LRRC4C: variants seen among roughly 807,000 people sequenced by gnomAD.
LRRC4C encodes the protein leucine-rich repeat-containing protein 4C.
LRRC4C carries 5 observed loss-of-function variants against 33.6 expected under a neutral mutation model. The ratio of observed to expected loss-of-function variants is 0.15; its 90% confidence interval spans 0.08 to 0.31. The LOEUF is 0.31. Ranked by LOEUF, LRRC4C falls within the 10% of genes least tolerant of loss-of-function variation. LRRC4C has a pLI of 1.00. For synonymous variants in LRRC4C, 329 were observed against 302.0 expected, an observed-to-expected ratio of 1.09 and a Z score of -0.93; for missense variants, 560 against 796.7, an observed-to-expected ratio of 0.70 and a Z score of 3.58.
intron 1 of LRRC4C, among the ~76,000 whole-genome samples, chr11:41,343,381 C>A (rs547114417): frequency 6.6e-6 from 1 of 152,152 alleles, no homozygotes; most frequent in Non-Finnish European, 1.5e-5. Context: ...CAAAACAAAA[C>A]AAAACAAAAC....
At chr11:41,242,308 T>C (rs944735775) in intron 1 of LRRC4C, among the ~76,000 whole-genome samples, 2 of 152,172 alleles carry the variant, frequency 1.3e-5, no homozygotes, top group African/African-American at 4.8e-5. Context: ...GCATTTTTCA[T>C]GAACTTTCAA....
At chr11:40,923,972 A>T (rs371433536) in intron 2 of LRRC4C, among the ~76,000 whole-genome samples, 3 of 152,208 alleles carry the variant, frequency 2.0e-5, no homozygotes, top group African/African-American at 7.2e-5. Context: ...TAGAGAAAAG[A>T]GAATGAGCTC....
chr11:40,450,805 A>G (rs1951848913), intron 3 of LRRC4C, among the ~76,000 whole-genome samples: 1 of 151,730 alleles, frequency 6.6e-6, no homozygotes, highest in Non-Finnish European at 1.5e-5. Context: ...CTGCGCATAT[A>G]AAGTATGCTC....
At chr11:40,766,353 TAAAAAAAAAAAAAA>T (rs60152534) in intron 2 of LRRC4C, among the ~76,000 whole-genome samples, 5 of 33,902 alleles carry the variant, frequency 1.5e-4, no homozygotes, top group African/African-American at 5.3e-4. Flanking sequence ...TTCAGTCTGT[TAAAAAAAAAAAAAA>T]AAAAAAAAAA....
intron 1 of LRRC4C, among the ~76,000 whole-genome samples, chr11:41,192,703 CGTAGA>C (rs1946012192): frequency 6.6e-6 from 1 of 151,778 alleles, no homozygotes; most frequent in South Asian, 2.1e-4. Flanking sequence ...AAGGCATACC[CGTAGA>C]GTCAGAATCG....
chr11:40,276,051 T>C (rs1381125318), intron 4 of LRRC4C, among the ~76,000 whole-genome samples: 7 of 152,174 alleles, frequency 4.6e-5, no homozygotes, highest in Admixed American at 4.6e-4. Flanking sequence ...GGAGCTGAGA[T>C]AGAGAGGCTC....
chr11:41,304,577 GGGTCAGCCCCCCGCCC>G (rs1177567387), intron 1 of LRRC4C, among the ~76,000 whole-genome samples: 1 of 112,820 alleles, frequency 8.9e-6, no homozygotes, highest in Non-Finnish European at 1.9e-5. Flanking sequence ...GGAGGTGGGG[GGGTCAGCCCCCCGCCC>G]GGCCAGCCGC....
chr11:40,558,372 T>C (rs1044969771), intron 3 of LRRC4C, among the ~76,000 whole-genome samples: 3 of 152,212 alleles, frequency 2.0e-5, no homozygotes, highest in Non-Finnish European at 4.4e-5. Context: ...TGAAAGTGTG[T>C]TGTTTCATTT....
chr11:40,185,892 C>T (rs1861364090), intron 5 of LRRC4C, among the ~76,000 whole-genome samples: 1 of 152,082 alleles, frequency 6.6e-6, no homozygotes, highest in African/African-American at 2.4e-5. Flanking sequence ...CTCCCCCTTC[C>T]CGTGGTTGCT....
intron 2 of LRRC4C, among the ~76,000 whole-genome samples, chr11:40,849,485 TTGCAGGGTTTC>T (rs1953369637): frequency 6.6e-6 from 1 of 152,216 alleles, no homozygotes; most frequent in Non-Finnish European, 1.5e-5. Context: ...CTCTTCTGGC[TTGCAGGGTTTC>T]TGCAGAGAGA....
chr11:40,150,898 G>T (rs1858148580), intron 5 of LRRC4C, among the ~76,000 whole-genome samples: 1 of 152,076 alleles, frequency 6.6e-6, no homozygotes, highest in South Asian at 2.1e-4. Flanking sequence ...AGAGAGTTAA[G>T]ATTTGCTTAG....
intron 1 of LRRC4C, among the ~76,000 whole-genome samples, chr11:41,443,384 C>T (rs1302022629): frequency 1.3e-5 from 2 of 151,974 alleles, no homozygotes; most frequent in Admixed American, 1.3e-4. Context: ...TGGTGCATGC[C>T]TGTAGCCCCA....
chr11:41,372,193 T>C (rs1952775799), intron 1 of LRRC4C, among the ~76,000 whole-genome samples: 1 of 152,188 alleles, frequency 6.6e-6, no homozygotes, highest in Admixed American at 6.5e-5. Context: ...TCTGCATGCC[T>C]GACTGTGACA....
intron 1 of LRRC4C, among the ~76,000 whole-genome samples, chr11:41,010,961 TA>T (rs1855132841): frequency 6.6e-6 from 1 of 152,118 alleles, no homozygotes; most frequent in Admixed American, 6.6e-5. Flanking sequence ...AAAAATAACA[TA>T]AAATGGACAA....
intron 1 of LRRC4C, among the ~76,000 whole-genome samples, chr11:41,217,381 TA>T (rs1231591667): frequency 6.6e-6 from 1 of 152,152 alleles, no homozygotes; most frequent in Non-Finnish European, 1.5e-5. Flanking sequence ...CTGAATACTT[TA>T]AAAATAAAGA....
At chr11:40,563,265 C>G (rs902108008) in intron 3 of LRRC4C, among the ~76,000 whole-genome samples, 2 of 152,100 alleles carry the variant, frequency 1.3e-5, no homozygotes, top group African/African-American at 4.8e-5. Flanking sequence ...GAAGGAAGAG[C>G]CACATACAGG....
chr11:40,896,573 G>T (rs1955950406), intron 2 of LRRC4C, among the ~76,000 whole-genome samples: 1 of 151,556 alleles, frequency 6.6e-6, no homozygotes, highest in South Asian at 2.1e-4. Context: ...TAAAGCACTG[G>T]AATTTAAAGA....
intron 2 of LRRC4C, among the ~76,000 whole-genome samples, chr11:40,814,734 C>T (rs1358329954): frequency 6.6e-6 from 1 of 151,824 alleles, no homozygotes; most frequent in Non-Finnish European, 1.5e-5. Context: ...CTCTCAAGCT[C>T]AAAGTTTTAC....
chr11:41,372,713 G>A (rs955636816), intron 1 of LRRC4C, among the ~76,000 whole-genome samples: 11 of 151,338 alleles, frequency 7.3e-5, no homozygotes, highest in Non-Finnish European at 1.6e-4. Context: ...GCTAATGTTG[G>A]GTTTGGGGCT....
Sources: gnomAD v4.1 joint callset for allele counts (sites outside exome capture counted in the v4.1 genomes callset) on GRCh38, gnomAD v4.1.1 for gene constraint, MANE v1.5 for transcripts, NCBI Gene and HGNC (gene_info 2026-07-23, HGNC 2026-07-21) for gene names.